RNF17: variants seen among roughly 807,000 people sequenced by gnomAD.
RNF17 encodes the protein ring finger protein 17.
RNF17 carries 31 observed loss-of-function variants against 200.5 expected under a neutral mutation model. The ratio of observed to expected loss-of-function variants is 0.15; its 90% CI spans 0.12 to 0.21. The LOEUF (loss-of-function observed/expected upper bound fraction) is 0.21, where lower values mean the gene tolerates loss of function less well. Among genes scored for constraint, RNF17 ranks in the 10% least tolerant of loss-of-function variants. The pLI is 1.00. For synonymous variants in RNF17, 606 were observed against 637.8 expected (o/e 0.95, Z 0.75); for missense variants, 1,628 against 1,905.1 (o/e 0.85, Z 2.71).
At chr13:24,778,145 C>G in intron 3 of RNF17, 150 bp from the exon 4 acceptor site, 1 of 556,826 alleles carries the variant, frequency 1.8e-6, no homozygotes, top group Non-Finnish European at 3.2e-6. Context: ...GCCTATGGTC[C>G]CAGCTACTTG....
chr13:24,793,311 T>G lies in RNF17; in HGVS notation c.1205T>G (p.Val402Gly). Residue 402 changes from valine (V) to glycine (G), a missense_variant, in exon 10 of 36, where the codon GTG (valine) becomes GGG (glycine). Physicochemically the swap from Val to Gly is moderately radical, Grantham distance 109. Around this residue, in one of 5 missense-constraint regions of RNF17, gnomAD observed 502 missense variants for 501.7 expected, o/e 1.00. Coordinates refer to ENST00000255324, the MANE Select transcript of RNF17 (RefSeq NM_031277.3). ...VLPQMGSSPD[V>G]IIEEIIEDNV... is the part of the protein sequence containing the mutation. ...CCTCAGATGGGATCTAGCCCTGATGTGATAATTGAAGAAATTATTGAAGAC... is the reference window on the plus strand; with the variant it reads ...CCTCAGATGGGATCTAGCCCTGATGGGATAATTGAAGAAATTATTGAAGAC... 1 of 1,590,752 alleles carries G rather than the reference T, an allele frequency of 6.3e-7. No homozygotes were observed. Among genetic ancestry groups the G allele is most frequent in the Non-Finnish European group, 8.5e-7 (1 of 1,172,264 alleles).
intron 1 of RNF17, among the ~76,000 whole-genome samples, chr13:24,766,148 T>C (rs765520961): frequency 1.3e-5 from 2 of 152,234 alleles, no homozygotes; most frequent in Non-Finnish European, 2.9e-5. Context: ...GAGAATAGCA[T>C]GAACTCAGGA....
chr13:24,887,403 C>A, the RNF17 span, among the ~76,000 whole-genome samples: 1 of 152,204 alleles, frequency 6.6e-6, no homozygotes, highest in Non-Finnish European at 1.5e-5. Flanking sequence ...TACAGCAGCT[C>A]CCCATCACTC....
At chr13:24,818,046 A>G (rs1887603267) in intron 15 of RNF17, among the ~76,000 whole-genome samples, 1 of 151,984 alleles carries the variant, frequency 6.6e-6, no homozygotes, top group Admixed American at 6.6e-5. Flanking sequence ...CCCTCTTAGC[A>G]CTGTTTTATT....
chr13:24,802,535 C>G lies in RNF17; in HGVS notation c.1913C>G (p.Ser638Cys). Residue 638 changes from serine to cysteine, a missense_variant, in exon 14 of 36, where the codon TCT (serine) becomes TGT (cysteine). Around this residue, in one of 5 missense-constraint regions of RNF17, gnomAD observed 289 missense variants for 384.9 expected, o/e 0.75. Coordinates refer to ENST00000255324, the MANE Select transcript of RNF17 (RefSeq NM_031277.3). ...AAAATAAGCAGTGATATGCCTGTGT[C>G]TCTTAGAGATGCGCTAGTTTTTATG... Reference protein sequence around the residue: ...PNKISSDMPVSLRDALVFMEL... With the variant: ...PNKISSDMPVCLRDALVFMEL... The G allele has an allele frequency of 6.2e-7, 1 of 1,611,036 alleles. No individual in the cohort carries two copies. Among genetic ancestry groups the G allele is most frequent in the Non-Finnish European group, 8.5e-7 (1 of 1,179,144 alleles).
chr13:24,759,091 A>AC, the RNF17 span, among the ~76,000 whole-genome samples: 41 of 151,372 alleles, frequency 2.7e-4, 1 homozygote, highest in Admixed American at 2.5e-3. Context: ...AAAAAAAAAA[A>AC]AAAAAAAAAA....
chr13:24,816,625 T>C (rs1421127698), intron 15 of RNF17, among the ~76,000 whole-genome samples: 1 of 152,248 alleles, frequency 6.6e-6, no homozygotes, highest in African/African-American at 2.4e-5. Context: ...TTATCTGTGA[T>C]TAACAAAATG....
At chr13:24,812,470 C>T (rs192090205) in intron 15 of RNF17, among the ~76,000 whole-genome samples, 12,139 of 152,076 alleles carry the variant, frequency 0.08, 541 homozygotes, top group East Asian at 0.15. Flanking sequence ...TTGCGCTTCC[C>T]GAGTGAGGCA....
chr13:24,840,531 G>A (rs1266881512), intron 18 of RNF17, among the ~76,000 whole-genome samples: 1 of 151,462 alleles, frequency 6.6e-6, no homozygotes, highest in African/African-American at 2.4e-5. Flanking sequence ...ATATATATAT[G>A]TGTGTGTGTG....
chr13:24,802,842 T>A (rs1348183231), intron 14 of RNF17, among the ~76,000 whole-genome samples: 2 of 152,074 alleles, frequency 1.3e-5, no homozygotes, highest in African/African-American at 4.8e-5. Context: ...CTTGGGGTCA[T>A]GAGTTTGAGA....
At chr13:24,792,958 C>A in intron 9 of RNF17, 84 bp from the exon 10 acceptor site, 1 of 891,808 alleles carries the variant, frequency 1.1e-6, no homozygotes, top group Non-Finnish European at 1.7e-6. Flanking sequence ...GATTAATGTC[C>A]ATGGTGGGAG....
intron 10 of RNF17, among the ~76,000 whole-genome samples, chr13:24,795,033 A>C (rs987725240): frequency 6.6e-6 from 1 of 152,130 alleles, no homozygotes; most frequent in African/African-American, 2.4e-5. Context: ...ATATTTCCAA[A>C]ATTTATACTT....
At chr13:24,861,155 A>C in intron 26 of RNF17, 113 bp from the exon 27 acceptor site, 1 of 811,066 alleles carries the variant, frequency 1.2e-6, no homozygotes, top group Non-Finnish European at 1.9e-6. Flanking sequence ...CTGGGATTAT[A>C]GGCATGAGCC....
chr13:24,866,187 G>C lies in RNF17; in HGVS notation c.4145G>C (p.Trp1382Ser). The C allele has an allele frequency of 1.3e-6, 2 of 1,554,066 alleles. No homozygotes were observed. The highest frequency in any genetic ancestry group is 1.8e-6 in the Non-Finnish European group (2 of 1,129,706). The stretch of plus-strand genomic sequence containing the variant: ...GATAAAAAGTATGAAGAGGAACAAT[G>C]GGAAATAAGGTTTGAGGTAAGTAAC... ...DHDKKYEEEQWEIRFEELLSA... is the reference protein window; with the variant it reads ...DHDKKYEEEQSEIRFEELLSA... Residue 1382 changes from tryptophan (W) to serine (S), a missense_variant, in exon 30 of 36, where the codon TGG (tryptophan) becomes TCG (serine). Trp to Ser is a radical substitution (Grantham distance 177). Transcript: ENST00000255324.
intron 18 of RNF17, among the ~76,000 whole-genome samples, chr13:24,834,694 C>T (rs1404210813): frequency 6.6e-6 from 1 of 152,158 alleles, no homozygotes; most frequent in African/African-American, 2.4e-5. Context: ...GCTCACTGGG[C>T]CCCCAAGCAG....
intron 30 of RNF17, among the ~76,000 whole-genome samples, chr13:24,866,888 G>A (rs1469560867): frequency 6.6e-6 from 1 of 152,170 alleles, no homozygotes; most frequent in Admixed American, 6.5e-5. Context: ...TGTCAGTAGT[G>A]TGTGTGCAAG....
intron 18 of RNF17, 70 bp downstream of exon 18, chr13:24,832,048 A>G: frequency 8.9e-7 from 1 of 1,122,982 alleles, no homozygotes; most frequent in Non-Finnish European, 1.2e-6. Context: ...ACATTTGTCA[A>G]ATTTTAGAAT....
intron 16 of RNF17, among the ~76,000 whole-genome samples, chr13:24,826,696 C>G (rs1888675853): frequency 1.3e-5 from 2 of 151,830 alleles, no homozygotes; most frequent in Admixed American, 1.3e-4. Context: ...TCACTTGGTC[C>G]TGGGAGGTGG....
At chr13:24,787,900 T>A in intron 6 of RNF17, 88 bp from the exon 7 acceptor site, 1 of 1,022,326 alleles carries the variant, frequency 9.8e-7, no homozygotes, top group Non-Finnish European at 1.4e-6. Flanking sequence ...CATCAACTAC[T>A]GAACTTACTC....
Sources: allele counts gnomAD v4.1 joint callset (sites outside exome capture counted in the v4.1 genomes callset), GRCh38; gene constraint gnomAD v4.1.1; regional missense constraint gnomAD v4.1.1; transcripts MANE v1.5; gene names NCBI Gene and HGNC (gene_info 2026-07-23, HGNC 2026-07-21).